TOX3: variants seen among roughly 807,000 people sequenced by gnomAD.
TOX3 encodes the protein TOX high mobility group box family member 3.
Under a neutral mutation model 64.3 loss-of-function variants are expected in TOX3, and 22 were observed. The observed-to-expected ratio is 0.34, with a 90% CI of 0.24 to 0.49. TOX3 has a LOEUF of 0.49. TOX3 is among the 20% of genes least tolerant of loss of function. TOX3 has a pLI of 0.99. For missense variants in TOX3, 661 were observed against 714.4 expected (o/e 0.93, Z 0.85); for synonymous variants, 291 against 273.6 (o/e 1.06, Z -0.63).
At chr16:52,446,252 G>C (rs756804693) in intron 4 of TOX3, 31 bp from the exon 5 acceptor site, 5 of 1,598,230 alleles carry the variant, frequency 3.1e-6, no homozygotes, top group Non-Finnish European at 4.3e-6. Flanking sequence ...TCACTGCCTA[G>C]AATGTACTTG....
intron 3 of TOX3, among the ~76,000 whole-genome samples, chr16:52,452,875 A>C (rs971478202): frequency 6.6e-6 from 1 of 152,342 alleles, no homozygotes; most frequent in South Asian, 2.1e-4. Flanking sequence ...CACAAGTATC[A>C]GAACACCACA....
intron 3 of TOX3, among the ~76,000 whole-genome samples, chr16:52,462,743 A>G (rs1960729355): frequency 6.6e-6 from 1 of 152,102 alleles, no homozygotes; most frequent in South Asian, 2.1e-4. Context: ...GTACAAAAAT[A>G]TAAGAAAGTC....
chr16:52,538,571 TG>T (rs1963010224), intron 1 of TOX3, among the ~76,000 whole-genome samples: 1 of 152,172 alleles, frequency 6.6e-6, no homozygotes, highest in East Asian at 1.9e-4. Context: ...TTGCAACATT[TG>T]GAATAGAAGG....
intron 1 of TOX3, among the ~76,000 whole-genome samples, chr16:52,505,163 A>AGGAAGATCC (rs1962127284): frequency 6.6e-6 from 1 of 152,146 alleles, no homozygotes; most frequent in Non-Finnish European, 1.5e-5. Context: ...GAAGCAAGAT[A>AGGAAGATCC]GGAAGATCCG....
chr16:52,505,948 C>G (rs1011052163), intron 1 of TOX3, among the ~76,000 whole-genome samples: 1 of 152,100 alleles, frequency 6.6e-6, no homozygotes. Flanking sequence ...TGCACTCCAG[C>G]CTGGGTGACA....
chr16:52,444,499 G>GCA (rs200173557), intron 5 of TOX3, 143 bp from the exon 6 acceptor site: 70,253 of 376,988 alleles, frequency 0.19, 3,072 homozygotes, highest in East Asian at 0.31. Flanking sequence ...GTTAGCGCAT[G>GCA]CACACACACA....
intron 5 of TOX3, 93 bp from the exon 6 acceptor site, chr16:52,444,449 C>T: frequency 8.9e-7 from 1 of 1,119,472 alleles, no homozygotes; most frequent in Non-Finnish European, 1.3e-6. Flanking sequence ...AAACACAACT[C>T]ACATAAAAAG....
At position 52,438,470 on chromosome 16, in the gene TOX3, T is replaced by G. The variant is rs1959821442; in HGVS notation, c.*755A>C. 6.6e-6 allele frequency: 1 copy of G among 151,928 alleles called. No individual in the cohort carries two copies. The highest frequency in any genetic ancestry group is 1.5e-5 in the Non-Finnish European group (1 of 67,980). The allele number at this position is 151,928 out of a possible 1,614,324, so 9.4% of individuals were successfully genotyped here. A position where few individuals can be genotyped will look rare whatever the true frequency, so the allele number is the denominator to read the frequency against. ...TTTAAAAATACAGTGTTTTTATTTT[T>G]CGAAACTTGTCACTCAAAACACGGA... On this transcript the variant is annotated 3_prime_UTR_variant, in exon 7 of 7. Coordinates refer to ENST00000219746, the MANE Select transcript of TOX3 (RefSeq NM_001080430.4).
rs1406213903 is a variant in TOX3 at position 52,546,915 on chromosome 16, C to G, written c.-192G>C. 6 of 1,077,796 alleles carry G rather than the reference C, an allele frequency of 5.6e-6. No individual in the cohort carries two copies. Among genetic ancestry groups the G allele is most frequent in the African/African-American group, 1.7e-5 (1 of 58,956 alleles). 66.8% of individuals were successfully genotyped at this position (1,077,796 alleles called of 1,614,324 possible). A position where few individuals can be genotyped will look rare whatever the true frequency, so the allele number is the denominator to read the frequency against. Reference sequence around the variant, plus strand: ...GCCGCCGCACACAAAGGCGCGGCCACGCGAGCCGCGGGAGAGCGGGAGGCG... The same window carrying G: ...GCCGCCGCACACAAAGGCGCGGCCAGGCGAGCCGCGGGAGAGCGGGAGGCG... On this transcript the variant is annotated 5_prime_UTR_variant, in exon 1 of 7. Coordinates refer to ENST00000219746, the MANE Select transcript of TOX3 (RefSeq NM_001080430.4).
chr16:52,462,501 T>G (rs557392793), intron 3 of TOX3, among the ~76,000 whole-genome samples: 174 of 152,244 alleles, frequency 1.1e-3, no homozygotes, highest in Middle Eastern at 0.01. Context: ...AGGCAGATTC[T>G]TATATTATTA....
At chr16:52,445,683 G>T in intron 5 of TOX3, 1 of 266,394 alleles carries the variant, frequency 3.8e-6, no homozygotes, top group Non-Finnish European at 7.2e-6. Flanking sequence ...TGAACAAAGG[G>T]GAAAAAATTC....
chr16:52,468,625 C>G, intron 1 of TOX3, 51 bp from the exon 2 acceptor site: 1 of 1,426,718 alleles, frequency 7.0e-7, no homozygotes, highest in Non-Finnish European at 9.8e-7. Context: ...ATAAAGCATT[C>G]TGGCTGTGAT....
intron 2 of TOX3, 60 bp downstream of exon 2, chr16:52,468,449 C>T: frequency 6.9e-7 from 1 of 1,452,302 alleles, no homozygotes; most frequent in Non-Finnish European, 9.6e-7. Flanking sequence ...CCCTTCAAGC[C>T]TATTAAATTA....
rs45491493 is a variant in TOX3 at position 52,508,330 on chromosome 16, C to A, written c.87+38307G>T. ...CCTCTCCCAAGTAAAGACATGAGAA[C>A]AATTCTTGCACATGTGCAACAGCGT... On this transcript the variant is annotated intron_variant, in intron 1 of 6. Transcript: ENST00000219746. Among the ~76,000 whole-genome samples the A allele has an allele frequency of 6.5e-3, 990 of 152,252 alleles. 6 individuals carry two copies. Among genetic ancestry groups the A allele is most frequent in the Non-Finnish European group, 0.011 (741 of 68,024 alleles).
chr16:52,465,911 T>C (rs1201497401), intron 2 of TOX3, among the ~76,000 whole-genome samples: 4 of 152,152 alleles, frequency 2.6e-5, no homozygotes, highest in East Asian at 3.9e-4. Flanking sequence ...GACTAAAATA[T>C]TGGATTTTCT....
In TOX3 at chr16:52,446,083, T is replaced by C. The variant is rs745821258; in HGVS notation, c.817A>G (p.Ile273Val). 1.2e-6 allele frequency: 2 copies of C among 1,613,996 alleles called. No homozygotes were observed. Among genetic ancestry groups the C allele is most frequent in the South Asian group, 1.1e-5 (1 of 91,086 alleles). ...GTTGCATTGGGGTTTTGACCTTTAA[T>C]TGCAGCCTGTGTGTCTCTGAAAAAC... The part of the protein sequence containing the change: ...ALFFRDTQAA[I>V]KGQNPNATFG... Residue 273 changes from isoleucine to valine, a missense_variant, in exon 5 of 7, where the codon ATT (isoleucine) becomes GTT (valine). Around this residue, in one of 3 missense-constraint regions of TOX3, gnomAD observed 103 missense variants for 161.2 expected, o/e 0.64. Transcript: ENST00000219746.
Position 52,547,084 on chromosome 16 carries a change from C to CGGG in TOX3, c.-362_-361insCCC. 1 of 387,940 alleles carries CGGG rather than the reference C, an allele frequency of 2.6e-6. No individual in the cohort carries two copies. The highest frequency in any genetic ancestry group is 3.5e-6 in the Non-Finnish European group (1 of 286,108). 24.0% of individuals were successfully genotyped at this position (387,940 alleles called of 1,614,324 possible). On this transcript the variant is annotated 5_prime_UTR_variant, in exon 1 of 7. Coordinates refer to ENST00000219746, the MANE Select transcript of TOX3 (RefSeq NM_001080430.4). ...GAGGCTGGGACGGCGGCGGCGGCGG[C>CGGG]GGCTGGCCCCGCTCCTCCTCCTCCT...
Position 52,464,032 on chromosome 16 carries a change from G to A in TOX3, c.310C>T (p.Pro104Ser). 1 of 1,602,092 alleles carries A rather than the reference G, an allele frequency of 6.2e-7. No homozygotes were observed. The highest frequency in any genetic ancestry group is 8.5e-7 in the Non-Finnish European group (1 of 1,174,658). ...PLPSQGSEFTPQFPPQSLDLP... is the reference protein window; with the variant it reads ...PLPSQGSEFTSQFPPQSLDLP... ...TCCAGGCTTTGAGGGGGAAACTGGG[G>A]TGTGAATTCACTTCCCTGGGAAGGC... Residue 104 changes from proline (P) to serine (S), a missense_variant, in exon 3 of 7, where the codon CCC becomes TCC. By Grantham distance (74) the Pro-to-Ser change is moderately conservative. This residue lies in a region of TOX3 where 259 missense variants were observed against 261.2 expected (regional missense o/e 0.99). Coordinates refer to ENST00000219746, the MANE Select transcript of TOX3 (RefSeq NM_001080430.4).
chr16:52,499,383 G>T (rs1032633912), intron 1 of TOX3, among the ~76,000 whole-genome samples: 4 of 152,162 alleles, frequency 2.6e-5, no homozygotes, highest in Non-Finnish European at 5.9e-5. Flanking sequence ...TACTCAAAAC[G>T]TTAACTAAAG....
Sources: allele counts gnomAD v4.1 joint callset (sites outside exome capture counted in the v4.1 genomes callset), GRCh38; gene constraint gnomAD v4.1.1; regional missense constraint gnomAD v4.1.1; transcripts MANE v1.5; gene names NCBI Gene and HGNC (gene_info 2026-07-23, HGNC 2026-07-21).